GRM5: variants seen among roughly 807,000 people sequenced by gnomAD.
The protein encoded by GRM5 is metabotropic glutamate receptor 5.
A neutral mutation model predicts 83.1 loss-of-function variants in GRM5; 19 were observed. The observed-to-expected ratio is 0.23, with a 90% CI of 0.16 to 0.34. GRM5 has a LOEUF of 0.34. Ranked by LOEUF, GRM5 falls within the 10% of genes least tolerant of loss-of-function variation. The probability of loss-of-function intolerance (pLI) is 1.00; values close to 1 mark genes in which losing one functional copy is unlikely to be tolerated. For missense variants in GRM5, 1,160 were observed against 1,588.3 expected (o/e 0.73, Z 4.58); for synonymous variants, 675 against 633.6 (o/e 1.07, Z -0.98).
intron 3 of GRM5, among the ~76,000 whole-genome samples, chr11:88,733,463 A>G (rs996059611): frequency 6.6e-6 from 1 of 152,004 alleles, no homozygotes; most frequent in Non-Finnish European, 1.5e-5. Flanking sequence ...GATGGAACCC[A>G]CGTTCCGGAC....
chr11:88,634,910 C>G (rs1042834897), intron 4 of GRM5, among the ~76,000 whole-genome samples: 1 of 152,100 alleles, frequency 6.6e-6, no homozygotes, highest in Non-Finnish European at 1.5e-5. Context: ...AATTTTTCAG[C>G]GCCATTATAA....
intron 8 of GRM5, among the ~76,000 whole-genome samples, chr11:88,551,289 C>A (rs1283511009): frequency 2.0e-5 from 3 of 152,082 alleles, no homozygotes; most frequent in Admixed American, 6.6e-5. Flanking sequence ...GTGGGTTCTG[C>A]CTATTTAGAC....
At chr11:88,640,360 T>C (rs2135285167) in intron 4 of GRM5, among the ~76,000 whole-genome samples, 1 of 152,288 alleles carries the variant, frequency 6.6e-6, no homozygotes, top group East Asian at 1.9e-4. Flanking sequence ...GAGTTCAGAG[T>C]TCTGAGAGTA....
intron 2 of GRM5, among the ~76,000 whole-genome samples, chr11:88,971,294 T>C (rs1939157341): frequency 6.6e-6 from 1 of 152,170 alleles, no homozygotes; most frequent in Non-Finnish European, 1.5e-5. Context: ...TTTTTAACTT[T>C]TATTTTAGGT....
chr11:88,673,828 G>A (rs1194596462), intron 3 of GRM5, among the ~76,000 whole-genome samples: 2 of 151,568 alleles, frequency 1.3e-5, no homozygotes, highest in African/African-American at 4.8e-5. Flanking sequence ...AGAGAAACAG[G>A]CAGTGCCAAA....
intron 9 of GRM5, among the ~76,000 whole-genome samples, chr11:88,510,595 C>A (rs1198088939): frequency 1.3e-5 from 2 of 152,218 alleles, no homozygotes; most frequent in Non-Finnish European, 2.9e-5. Context: ...CAGCTCACTG[C>A]ACCCTCGGCC....
chr11:88,722,559 C>T (rs1308024866), intron 3 of GRM5, among the ~76,000 whole-genome samples: 1 of 152,130 alleles, frequency 6.6e-6, no homozygotes, highest in Non-Finnish European at 1.5e-5. Context: ...CCAGGAGGGA[C>T]TGGCACAATC....
chr11:88,598,548 T>C (rs1202383563), intron 5 of GRM5, among the ~76,000 whole-genome samples: 3 of 152,084 alleles, frequency 2.0e-5, no homozygotes, highest in African/African-American at 7.2e-5. Context: ...TAAATTCTAC[T>C]TCTAAATCAA....
intron 2 of GRM5, among the ~76,000 whole-genome samples, chr11:88,924,193 T>G (rs1367843870): frequency 7.9e-5 from 12 of 151,672 alleles, no homozygotes; most frequent in African/African-American, 2.7e-4. Flanking sequence ...AGGTAACTCA[T>G]GTACACTGTT....
intron 3 of GRM5, among the ~76,000 whole-genome samples, chr11:88,802,272 C>T (rs1943411934): frequency 6.6e-6 from 1 of 152,024 alleles, no homozygotes; most frequent in Admixed American, 6.6e-5. Context: ...ATAGCAAAGA[C>T]ATAGAATCAA....
intron 3 of GRM5, among the ~76,000 whole-genome samples, chr11:88,704,197 C>A (rs770330323): frequency 6.6e-6 from 1 of 152,044 alleles, no homozygotes; most frequent in Non-Finnish European, 1.5e-5. Flanking sequence ...CTTCCAAAAG[C>A]CCACCTCCAA....
At chr11:88,657,977 C>G (rs1384024318) in intron 3 of GRM5, among the ~76,000 whole-genome samples, 1 of 152,120 alleles carries the variant, frequency 6.6e-6, no homozygotes, top group Non-Finnish European at 1.5e-5. Flanking sequence ...ACATACCAAT[C>G]TTGTAGAGCA....
At chr11:88,725,006 T>C (rs1476805617) in intron 3 of GRM5, among the ~76,000 whole-genome samples, 1 of 152,142 alleles carries the variant, frequency 6.6e-6, no homozygotes, top group Non-Finnish European at 1.5e-5. Flanking sequence ...TAGCTGCAGT[T>C]TTTATTCATA....
At chr11:89,042,610 A>G (rs556021099) in intron 2 of GRM5, among the ~76,000 whole-genome samples, 1 of 152,296 alleles carries the variant, frequency 6.6e-6, no homozygotes, top group South Asian at 2.1e-4. Context: ...AACAAAATAA[A>G]GTCCTTTTAA....
chr11:88,849,160 C>T (rs1298394541), intron 3 of GRM5, among the ~76,000 whole-genome samples: 1 of 151,820 alleles, frequency 6.6e-6, no homozygotes, highest in Non-Finnish European at 1.5e-5. Flanking sequence ...TATATATACA[C>T]ACACACATAT....
chr11:88,561,724 T>C (rs1025543003), intron 8 of GRM5, among the ~76,000 whole-genome samples: 3 of 152,116 alleles, frequency 2.0e-5, no homozygotes, highest in Non-Finnish European at 4.4e-5. Context: ...CCTCTATACA[T>C]TGATGGCATA....
chr11:88,567,673 T>G lies in GRM5; in HGVS notation c.2010A>C (p.Ala670=). The G allele has an allele frequency of 6.2e-7, 1 of 1,614,112 alleles. No homozygotes were observed. The highest frequency in any genetic ancestry group is 8.5e-7 in the Non-Finnish European group (1 of 1,179,982). Residue 670 remains alanine (A), a synonymous_variant, in exon 8 of 10, where the codon GCA becomes GCC. Transcript: ENST00000305447. This position sits in a 1 kb window ranked among gnomAD's most constrained non-coding sequence, Gnocchi z 7.3. The part of the protein sequence containing the change: ...SALVTKTNRI[A]RILAGSKKKI... ...TCTTCTTGCTGCCAGCCAGGATCCT[T>G]GCAATACGGTTGGTCTTTGTTACAA...
intron 7 of GRM5, among the ~76,000 whole-genome samples, chr11:88,580,177 A>G (rs1943192632): frequency 6.6e-6 from 1 of 152,234 alleles, no homozygotes; most frequent in South Asian, 2.1e-4. Context: ...GATTTCAGTG[A>G]TGGAAGTGTA....
chr11:88,669,571 C>G (rs974156597), intron 3 of GRM5, among the ~76,000 whole-genome samples: 5 of 151,930 alleles, frequency 3.3e-5, no homozygotes, highest in Non-Finnish European at 7.4e-5. Context: ...TATAGATATA[C>G]TACAGATACA....
Sources: allele counts gnomAD v4.1 joint callset (sites outside exome capture counted in the v4.1 genomes callset), GRCh38; gene constraint gnomAD v4.1.1; non-coding constraint Gnocchi (gnomAD v3.1); transcripts MANE v1.5; gene names NCBI Gene and HGNC (gene_info 2026-07-23, HGNC 2026-07-21).